DSG1: variants seen among roughly 807,000 people sequenced by gnomAD.
The protein encoded by DSG1 is desmoglein-1.
In DSG1, 39 loss-of-function variants were observed where a neutral mutation model predicts 97.5. That is an observed-to-expected ratio of 0.40 (90% confidence interval 0.31 to 0.52). The LOEUF is 0.52. Among genes scored for constraint, DSG1 ranks in the 20% least tolerant of loss-of-function variants. The pLI, the probability that DSG1 is intolerant of heterozygous loss-of-function variation, is 0.53. For missense variants in DSG1, 1,311 were observed against 1,295.4 expected, an observed-to-expected ratio of 1.01 and a Z score of -0.18; for synonymous variants, 475 against 443.4, an observed-to-expected ratio of 1.07 and a Z score of -0.90.
In DSG1 at chr18:31,343,546, A is replaced by T; in HGVS notation, c.1784A>T (p.His595Leu). 1 of 1,614,136 alleles carries T rather than the reference A, an allele frequency of 6.2e-7. No homozygotes were observed. Among genetic ancestry groups the T allele is most frequent in the Non-Finnish European group, 8.5e-7 (1 of 1,180,030 alleles). Residue 595 changes from histidine (H) to leucine (L), a missense_variant, in exon 12 of 15, where the codon CAT becomes CTT. Around this residue, in one of 3 missense-constraint regions of DSG1, gnomAD observed 1,038 missense variants for 964.6 expected, o/e 1.08. Coordinates refer to ENST00000257192, the MANE Select transcript of DSG1 (RefSeq NM_001942.4). Reference protein sequence around the residue: ...PVPECSDGAIHSWAVEGPQPE... With the variant: ...PVPECSDGAILSWAVEGPQPE... ...CCCGAATGTTCAGATGGAGCAATTC[A>T]TTCATGGGCAGTAGAAGGACCACAG...
intron 4 of DSG1, 22 bp from the exon 5 acceptor site, chr18:31,329,870 T>A (rs1327934203): frequency 6.2e-7 from 1 of 1,611,860 alleles, no homozygotes; most frequent in Admixed American, 1.7e-5. Context: ...CACTGTATAA[T>A]TATTTATCTT....
intron 14 of DSG1, among the ~76,000 whole-genome samples, chr18:31,349,510 A>G (rs1203232598): frequency 1.4e-5 from 2 of 146,922 alleles, no homozygotes; most frequent in South Asian, 4.3e-4. Context: ...GAAGAAAGTC[A>G]TTGGTAGCTT....
In DSG1 at chr18:31,329,766, C is replaced by T. The variant is rs899585814; in HGVS notation, c.373-126C>T. On this transcript the variant is annotated intron_variant, in intron 4 of 14. Coordinates refer to ENST00000257192, the MANE Select transcript of DSG1 (RefSeq NM_001942.4). ...TTTCCCTTAGTGACTGTAAGTAGGG[C>T]TTGTGCCTATGTTCTAAGTAGACAT... 24 of 1,208,726 alleles carry T rather than the reference C, an allele frequency of 2.0e-5. No individual in the cohort carries two copies. In the African/African-American group the frequency reaches 3.1e-4, roughly 16 times the overall value. 74.9% of individuals were successfully genotyped at this position (1,208,726 alleles called of 1,614,324 possible). A position where few individuals can be genotyped will look rare whatever the true frequency, so the allele number is the denominator to read the frequency against.
In DSG1 at chr18:31,338,446, C is replaced by G; in HGVS notation, c.1397C>G (p.Ser466Cys). The change falls in exon 10 of 15, where the codon TCT becomes TGT. Residue 466 changes from serine to cysteine, a missense_variant. Transcript: ENST00000257192. The stretch of plus-strand genomic sequence containing the variant: ...GGAAAATACCAAGGAACGATTCTCT[C>G]TATAGATGGTAAGAAATTAATTTAC... ...LGGKYQGTIL[S>C]IDDNLQRTCT... 6.2e-7 allele frequency: 1 copy of G among 1,613,036 alleles called. No individual in the cohort carries two copies. The highest frequency in any genetic ancestry group is 8.5e-7 in the Non-Finnish European group (1 of 1,179,192).
chr18:31,343,873 A>G, intron 12 of DSG1, 53 bp from the exon 13 acceptor site: 1 of 1,432,804 alleles, frequency 7.0e-7, no homozygotes, highest in South Asian at 1.2e-5. Flanking sequence ...TGACTGCAGA[A>G]AGATTATAGT....
chr18:31,325,757 G>C (rs2071681759), intron 1 of DSG1, among the ~76,000 whole-genome samples: 1 of 152,136 alleles, frequency 6.6e-6, no homozygotes, highest in Non-Finnish European at 1.5e-5. Flanking sequence ...TAATTTACTT[G>C]AGGGAATAGG....
At chr18:31,335,057 C>G (rs749695887) in intron 8 of DSG1, among the ~76,000 whole-genome samples, 2 of 152,094 alleles carry the variant, frequency 1.3e-5, no homozygotes, top group Non-Finnish European at 2.9e-5. Context: ...GACTCTCAAA[C>G]GACTCTGTCC....
chr18:31,339,884 G>A lies in DSG1; in HGVS notation c.1546G>A (p.Asp516Asn). Residue 516 changes from aspartate to asparagine, a missense_variant, in exon 11 of 15, where the codon GAT (aspartate) becomes AAT (asparagine). Physicochemically the swap from Asp to Asn is conservative, Grantham distance 23. Coordinates refer to ENST00000257192, the MANE Select transcript of DSG1 (RefSeq NM_001942.4). The stretch of plus-strand genomic sequence containing the variant: ...AGAAAGTACTTCTTCCACTAACTAT[G>A]ATACCAGCACAACTTCTACTGACTC... ...RQESTSSTNY[D>N]TSTTSTDSSQ... The A allele has an allele frequency of 6.2e-7, 1 of 1,614,064 alleles. No individual in the cohort carries two copies. The highest frequency in any genetic ancestry group is 8.5e-7 in the Non-Finnish European group (1 of 1,179,984).
intron 1 of DSG1, 41 bp from the exon 2 acceptor site, chr18:31,326,540 T>C (rs1224745321): frequency 7.0e-7 from 1 of 1,436,290 alleles, no homozygotes; most frequent in South Asian, 1.2e-5. Context: ...TTAAAGCATT[T>C]AATTAAAAAA....
chr18:31,336,613 G>T lies in DSG1; in HGVS notation c.1265G>T (p.Arg422Met). The T allele has an allele frequency of 6.2e-7, 1 of 1,613,920 alleles. No homozygotes were observed. The highest frequency in any genetic ancestry group is 8.5e-7 in the Non-Finnish European group (1 of 1,179,904). The part of the protein sequence containing the change: ...LDTGRPSTTV[R>M]YVMGNNPADL... ...ACAGGTAGACCTTCAACGACTGTTA[G>T]GTAAGAATGAGATTTTCAACTAATT... The change falls in exon 9 of 15, where the codon AGG becomes ATG. Residue 422 changes from arginine to methionine, a missense_variant and splice_region_variant. This residue lies in a region of DSG1 where 1,038 missense variants were observed against 964.6 expected (regional missense o/e 1.08). Coordinates refer to ENST00000257192, the MANE Select transcript of DSG1 (RefSeq NM_001942.4).
intron 14 of DSG1, among the ~76,000 whole-genome samples, chr18:31,353,485 T>C (rs1421239026): frequency 1.3e-5 from 2 of 152,150 alleles, no homozygotes; most frequent in African/African-American, 2.4e-5. Flanking sequence ...CCTTGAGCTG[T>C]GGTGGGCTCC....
intron 10 of DSG1, 95 bp from the exon 11 acceptor site, chr18:31,339,649 G>T: frequency 1.0e-6 from 1 of 970,976 alleles, no homozygotes; most frequent in East Asian, 2.6e-5. Flanking sequence ...TAAAGACACT[G>T]AAATAAATGT....
chr18:31,327,071 T>G (rs1326270821), intron 3 of DSG1, 66 bp downstream of exon 3: 2 of 1,586,734 alleles, frequency 1.3e-6, no homozygotes. Context: ...AGAAACTGTC[T>G]GCTAAATATT....
intron 1 of DSG1, among the ~76,000 whole-genome samples, chr18:31,323,114 T>C (rs764759944): frequency 6.6e-6 from 1 of 152,166 alleles, no homozygotes; most frequent in South Asian, 2.1e-4. Context: ...TGAGCACAGA[T>C]TGATTTAATG....
intron 8 of DSG1, 93 bp from the exon 9 acceptor site, chr18:31,336,261 T>C: frequency 9.3e-7 from 1 of 1,075,938 alleles, no homozygotes; most frequent in Non-Finnish European, 1.3e-6. Context: ...AAAAGAAAGA[T>C]AATAAGTTTT....
At chr18:31,327,856 C>G (rs1329976418) in intron 3 of DSG1, among the ~76,000 whole-genome samples, 1 of 152,148 alleles carries the variant, frequency 6.6e-6, no homozygotes, top group African/African-American at 2.4e-5. Context: ...AGTGCAAGCA[C>G]AGACCCTGCA....
chr18:31,326,522 T>G, intron 1 of DSG1, 59 bp from the exon 2 acceptor site: 1 of 1,278,482 alleles, frequency 7.8e-7, no homozygotes, highest in Non-Finnish European at 1.1e-6. Context: ...AACTGGATAA[T>G]ATAAATTTTA....
Position 31,355,725 on chromosome 18 carries a change from G to A in DSG1, c.*379G>A. 4.8e-6 allele frequency: 1 copy of A among 206,520 alleles called. No individual in the cohort carries two copies. Among genetic ancestry groups the A allele is most frequent in the Non-Finnish European group, 1.0e-5 (1 of 100,352 alleles). 12.8% of individuals were successfully genotyped at this position (206,520 alleles called of 1,614,324 possible). On this transcript the variant is annotated 3_prime_UTR_variant, in exon 15 of 15. Coordinates refer to ENST00000257192, the MANE Select transcript of DSG1 (RefSeq NM_001942.4). ...AAAAAGAACTAAATATGCAATATAT[G>A]TTCATATCTATGGGAAAAATCTAAA...
intron 1 of DSG1, among the ~76,000 whole-genome samples, chr18:31,319,670 C>A (rs1279762256): frequency 6.6e-6 from 1 of 152,036 alleles, no homozygotes; most frequent in African/African-American, 2.4e-5. Context: ...TAAATTTGAT[C>A]CATTAAGAGC....
Sources: allele counts gnomAD v4.1 joint callset (sites outside exome capture counted in the v4.1 genomes callset), GRCh38; gene constraint gnomAD v4.1.1; regional missense constraint gnomAD v4.1.1; transcripts MANE v1.5; gene names NCBI Gene and HGNC (gene_info 2026-07-23, HGNC 2026-07-21).